Variants in RBFOX1 observed in about 807,000 individuals in gnomAD.
The protein encoded by RBFOX1 is RNA binding protein fox-1 homolog 1.
In RBFOX1, 8 loss-of-function variants were observed where a neutral mutation model predicts 57.7. The observed-to-expected ratio is 0.14, with a 90% confidence interval of 0.08 to 0.25. The LOEUF (loss-of-function observed/expected upper bound fraction) is 0.25. Ranked by LOEUF, RBFOX1 falls within the 10% of genes least tolerant of loss-of-function variation. RBFOX1 has a pLI of 1.00. For synonymous variants in RBFOX1, 326 were observed against 222.4 expected (o/e 1.47, Z -4.15); for missense variants, 611 against 548.5 (o/e 1.11, Z -1.14).
At chr16:5,496,622 C>A (rs1009325342) in intron 2 of RBFOX1, among the ~76,000 whole-genome samples, 1 of 152,166 alleles carries the variant, frequency 6.6e-6, no homozygotes, top group African/African-American at 2.4e-5. Context: ...AGGGCTGGAT[C>A]ATAGCAAGCA....
At chr16:7,108,109 C>T (rs975312538) in intron 4 of RBFOX1, among the ~76,000 whole-genome samples, 1 of 152,032 alleles carries the variant, frequency 6.6e-6, no homozygotes, top group African/African-American at 2.4e-5. Flanking sequence ...GTGTGGATGA[C>T]CAATTTTCAG....
At chr16:6,980,479 G>C (rs1304462972) in intron 3 of RBFOX1, among the ~76,000 whole-genome samples, 3 of 152,114 alleles carry the variant, frequency 2.0e-5, no homozygotes, top group African/African-American at 7.2e-5. Context: ...AAATTTTTCT[G>C]GTGTTTGTTT....
At chr16:6,592,472 A>G (rs995412880) in intron 2 of RBFOX1, among the ~76,000 whole-genome samples, 13 of 152,214 alleles carry the variant, frequency 8.5e-5, no homozygotes, top group African/African-American at 2.2e-4. Flanking sequence ...TGCAGTCCTA[A>G]GAAATGACCA....
chr16:7,227,299 C>T (rs898218969), intron 4 of RBFOX1, among the ~76,000 whole-genome samples: 8 of 134,558 alleles, frequency 5.9e-5, no homozygotes, highest in African/African-American at 1.8e-4. Context: ...CACCCCCACA[C>T]ACACACACAG....
chr16:6,109,525 T>G (rs2096419815), intron 1 of RBFOX1, among the ~76,000 whole-genome samples: 1 of 152,210 alleles, frequency 6.6e-6, no homozygotes, highest in African/African-American at 2.4e-5. Context: ...AAAAACTCTT[T>G]TTCCATTGTA....
intron 2 of RBFOX1, among the ~76,000 whole-genome samples, chr16:6,472,825 G>A (rs112713728): frequency 1.5e-4 from 23 of 151,748 alleles, no homozygotes; most frequent in East Asian, 3.9e-4. Flanking sequence ...GGGTTTTACC[G>A]TGTTGTCCAG....
intron 3 of RBFOX1, among the ~76,000 whole-genome samples, chr16:5,682,431 G>C (rs1237175923): frequency 6.6e-6 from 1 of 152,140 alleles, no homozygotes; most frequent in Admixed American, 6.5e-5. Flanking sequence ...TTTATCAGGT[G>C]GTGCTAGAGA....
intron 2 of RBFOX1, among the ~76,000 whole-genome samples, chr16:5,485,369 G>A (rs1436732767): frequency 4.6e-3 from 281 of 61,446 alleles, no homozygotes; most frequent in Middle Eastern, 0.019. Context: ...AAAAAAAAAA[G>A]TGAATAAGTT....
At chr16:5,606,236 C>T (rs1278886624) in intron 3 of RBFOX1, among the ~76,000 whole-genome samples, 2 of 152,144 alleles carry the variant, frequency 1.3e-5, no homozygotes, top group African/African-American at 2.4e-5. Flanking sequence ...ATCTGCTACT[C>T]TCCTCCCACC....
chr16:6,655,881 G>A (rs999270188), intron 3 of RBFOX1, among the ~76,000 whole-genome samples: 1 of 152,120 alleles, frequency 6.6e-6, no homozygotes, highest in Non-Finnish European at 1.5e-5. Context: ...ATAAGGTGGT[G>A]GAGGACTTCT....
intron 2 of RBFOX1, among the ~76,000 whole-genome samples, chr16:6,626,189 CCTT>C (rs1484446710): frequency 1.3e-5 from 2 of 149,532 alleles, no homozygotes; most frequent in East Asian, 2.0e-4. Context: ...GTATTTCTGA[CCTT>C]CTGCTGTCCA....
intron 2 of RBFOX1, among the ~76,000 whole-genome samples, chr16:6,600,174 C>A (rs1399996440): frequency 6.6e-6 from 1 of 152,140 alleles, no homozygotes; most frequent in African/African-American, 2.4e-5. Flanking sequence ...ATTATTATTA[C>A]TTTTTGTCTT....
intron 2 of RBFOX1, among the ~76,000 whole-genome samples, chr16:5,594,962 T>G (rs2047132904): frequency 8.2e-6 from 1 of 122,302 alleles, no homozygotes; most frequent in African/African-American, 3.2e-5. Context: ...TAAAACCCTG[T>G]CTCTACTAAA....
At chr16:5,472,137 G>A (rs942581599) in intron 2 of RBFOX1, among the ~76,000 whole-genome samples, 7 of 152,034 alleles carry the variant, frequency 4.6e-5, no homozygotes, top group Non-Finnish European at 1.0e-4. Flanking sequence ...TATTATCACG[G>A]CTCTCTCCCT....
chr16:7,534,189 C>T (rs143863744), intron 5 of RBFOX1, among the ~76,000 whole-genome samples: 3,096 of 150,374 alleles, frequency 0.021, 109 homozygotes, highest in African/African-American at 0.071. Context: ...CAGGTTCAGG[C>T]GATTCTCCTG....
chr16:5,470,287 C>A (rs777794216), intron 2 of RBFOX1, among the ~76,000 whole-genome samples: 1 of 152,098 alleles, frequency 6.6e-6, no homozygotes, highest in Non-Finnish European at 1.5e-5. Flanking sequence ...GGTAGGAGAT[C>A]GAGGGAAGGG....
chr16:6,519,527 C>G (rs570611195), intron 2 of RBFOX1, among the ~76,000 whole-genome samples: 17 of 152,140 alleles, frequency 1.1e-4, no homozygotes, highest in African/African-American at 4.1e-4. Flanking sequence ...ATGACAAAAC[C>G]CCGTCTGCAC....
intron 3 of RBFOX1, among the ~76,000 whole-genome samples, chr16:6,661,270 A>C (rs1054340587): frequency 6.6e-6 from 1 of 152,180 alleles, no homozygotes; most frequent in South Asian, 2.1e-4. Flanking sequence ...GGTTAGAAAG[A>C]GCTCCCATGT....
At chr16:5,403,853 C>T (rs553661512) in intron 1 of RBFOX1, among the ~76,000 whole-genome samples, 4 of 152,046 alleles carry the variant, frequency 2.6e-5, no homozygotes, top group African/African-American at 4.8e-5. Flanking sequence ...GTTTCAAGAA[C>T]ATGGAGAATG....
Sources: allele counts gnomAD v4.1 joint callset (sites outside exome capture counted in the v4.1 genomes callset), GRCh38; gene constraint gnomAD v4.1.1; transcripts MANE v1.5; gene names NCBI Gene and HGNC (gene_info 2026-07-23, HGNC 2026-07-21).